Variants in AKAP8 observed in about 807,000 individuals in gnomAD.
AKAP8 encodes the protein A-kinase anchor protein 8.
A neutral mutation model predicts 67.5 loss-of-function variants in AKAP8; 24 were observed. The ratio of observed to expected loss-of-function variants is 0.36; its 90% CI spans 0.26 to 0.50. The LOEUF (loss-of-function observed/expected upper bound fraction) is 0.50. Ranked by LOEUF, AKAP8 falls within the 20% of genes least tolerant of loss-of-function variation. AKAP8 has a pLI of 0.97. For synonymous variants in AKAP8, 400 were observed against 371.1 expected (o/e 1.08, Z -0.90); for missense variants, 971 against 955.9 (o/e 1.02, Z -0.21).
At chr19:15,358,391 G>C (rs1249095107) in intron 13 of AKAP8, among the ~76,000 whole-genome samples, 1 of 149,804 alleles carries the variant, frequency 6.7e-6, no homozygotes, top group East Asian at 2.0e-4. Flanking sequence ...GTCTCACTCT[G>C]TCACCTGGGC....
chr19:15,359,978 A>G (rs998824224), intron 12 of AKAP8, among the ~76,000 whole-genome samples: 1 of 152,074 alleles, frequency 6.6e-6, no homozygotes, highest in African/African-American at 2.4e-5. Context: ...TATTAAAAAT[A>G]CAAAAAATTA....
At chr19:15,379,339 G>A (rs887511328) in intron 1 of AKAP8, 5 of 253,602 alleles carry the variant, frequency 2.0e-5, no homozygotes, top group Non-Finnish European at 3.7e-5. Context: ...CCATTTTGTG[G>A]CGTCTTCGGA....
intron 12 of AKAP8, 72 bp downstream of exon 12, chr19:15,360,776 C>A: frequency 6.5e-7 from 1 of 1,541,766 alleles, no homozygotes; most frequent in Non-Finnish European, 8.8e-7. Flanking sequence ...TGTTATTCCC[C>A]ATAAGACACA....
rs749061952 is a variant in AKAP8 at position 15,361,857 on chromosome 19, A to C, written c.1303-35T>G. The C allele has an allele frequency of 3.8e-6, 6 of 1,582,552 alleles. No individual in the cohort carries two copies. In the Admixed American group the frequency reaches 8.4e-5, roughly 22 times the overall value. ...ATTGGAGAGGGCATAAAGTAAAATG[A>C]GAGGTGGGCGCATGTGGGCATTTCT... On this transcript the variant is annotated intron_variant, in intron 10 of 13. Transcript: ENST00000269701.
chr19:15,373,019 AC>A lies in AKAP8; in HGVS notation c.692del (p.Gly231ValfsTer28). ...STPWNELNYV[G>X]GRGLGGPSPS... Reference sequence around the variant, plus strand: ...GGGAGGGCCCTCCCAGGCCCCGTCCACCCACGTAGTTCAGCTCGTTCCAGGG... The same window carrying A: ...GGGAGGGCCCTCCCAGGCCCCGTCCACCACGTAGTTCAGCTCGTTCCAGGG... On this transcript the variant is annotated frameshift_variant, in exon 5 of 14. Coordinates refer to ENST00000269701, the MANE Select transcript of AKAP8 (RefSeq NM_005858.4). LOFTEE classifies it high-confidence loss of function. The A allele has an allele frequency of 6.3e-7, 1 of 1,580,294 alleles. No homozygotes were observed. Among genetic ancestry groups the A allele is most frequent in the Non-Finnish European group, 8.6e-7 (1 of 1,160,220 alleles).
chr19:15,362,387 A>ACGGTCTCCCTCTCCCTCTCTTTCCG (rs1966983457), intron 9 of AKAP8, 136 bp from the exon 10 acceptor site: 24 of 470,764 alleles, frequency 5.1e-5, no homozygotes, highest in Admixed American at 3.1e-4. Context: ...CCCTCTCCCC[A>ACGGTCTCCCTCTCCCTCTCTTTCCG]CGGTCTCCCT....
rs368973978 is a variant in AKAP8, at chr19:15,368,283, C to G, written c.1112G>C (p.Arg371Thr). The part of the protein sequence containing the change: ...EDEDEDVKKR[R>T]EKQRRRDRTR... ...CCTGTCTCTTCTCCTTTGCTTTTCC[C>G]TTCTCTTCTTCACATCCTCGTCCTC... Residue 371 changes from arginine (R) to threonine (T), a missense_variant, in exon 9 of 14, where the codon AGG becomes ACG. By Grantham distance (71) the Arg-to-Thr change is moderately conservative. Transcript: ENST00000269701. 12 of 1,613,572 alleles carry G rather than the reference C, an allele frequency of 7.4e-6. No individual in the cohort carries two copies. Among genetic ancestry groups the G allele is most frequent in the Non-Finnish European group, 1.0e-5 (12 of 1,179,992 alleles).
intron 13 of AKAP8, among the ~76,000 whole-genome samples, chr19:15,356,721 T>C (rs1030758578): frequency 2.0e-5 from 3 of 152,244 alleles, no homozygotes; most frequent in Middle Eastern, 6.8e-3. Flanking sequence ...TTTTAAAATA[T>C]GATGCTTAGG....
chr19:15,364,403 T>G (rs1967036869), intron 9 of AKAP8, among the ~76,000 whole-genome samples: 1 of 152,036 alleles, frequency 6.6e-6, no homozygotes, highest in Non-Finnish European at 1.5e-5. Context: ...CAGGCTGGAG[T>G]GCAGTGGTGC....
chr19:15,371,906 G>C, intron 7 of AKAP8, 46 bp downstream of exon 7: 6 of 1,603,164 alleles, frequency 3.7e-6, no homozygotes, highest in African/African-American at 1.3e-5. Context: ...ATTAAAGAAA[G>C]AAGAAATCCC....
chr19:15,357,679 A>C (rs1371458063), intron 13 of AKAP8, among the ~76,000 whole-genome samples: 1 of 150,772 alleles, frequency 6.6e-6, no homozygotes, highest in Non-Finnish European at 1.5e-5. Context: ...CTGCAAAGGT[A>C]AAATATACAT....
chr19:15,373,913 G>A lies in AKAP8; in HGVS notation c.244C>T (p.Pro82Ser), dbSNP rs371717938. The change falls in exon 4 of 14, where the codon CCA becomes TCA. Residue 82 changes from proline (P) to serine (S), a missense_variant. Transcript: ENST00000269701. ...TCGGAATTGTCGGTGCATGGCTCTG[G>A]GCCGTAAGAGGCCATGTGCATGGCA... is the stretch of plus-strand genomic sequence containing the variant. ...APAMHMASYG[P>S]EPCTDNSDSL... 27 of 1,613,694 alleles carry A rather than the reference G, an allele frequency of 1.7e-5. No individual in the cohort carries two copies. The highest frequency in any genetic ancestry group is 1.7e-4 in the Middle Eastern group (1 of 5,848).
chr19:15,368,606 G>A, intron 8 of AKAP8: 1 of 985,212 alleles, frequency 1.0e-6, no homozygotes, highest in Non-Finnish European at 1.2e-6. Context: ...ACAGCCCCCT[G>A]CTCCCTCTGT....
At chr19:15,366,030 TAAA>T (rs1182056982) in intron 9 of AKAP8, among the ~76,000 whole-genome samples, 2 of 52,652 alleles carry the variant, frequency 3.8e-5, no homozygotes, top group Admixed American at 2.2e-4. Flanking sequence ...TCTCAAAGGA[TAAA>T]AAAAAAAAAA....
Position 15,354,913 on chromosome 19 carries a change from C to T in AKAP8, c.*2G>A, listed in dbSNP as rs377325571. 131 of 1,613,016 alleles carry T rather than the reference C, an allele frequency of 8.1e-5. 1 individual carries two copies. The South Asian group carries it at 1.3e-3, about 16-fold the overall frequency. ...GCCTTCCCTGGAACAGGGAAATGAG[C>T]ATCATTCTGTGGGAACAGCGTCTTT... On this transcript the variant is annotated 3_prime_UTR_variant, in exon 14 of 14. Coordinates refer to ENST00000269701, the MANE Select transcript of AKAP8 (RefSeq NM_005858.4).
At chr19:15,368,539 A>T (rs1043230066) in intron 8 of AKAP8, 1 of 985,062 alleles carries the variant, frequency 1.0e-6, no homozygotes, top group African/African-American at 1.7e-5. Flanking sequence ...AACTCCCCAC[A>T]TGGCCTGAGG....
chr19:15,357,101 G>A (rs1966894212), intron 13 of AKAP8, among the ~76,000 whole-genome samples: 1 of 152,182 alleles, frequency 6.6e-6, no homozygotes, highest in Admixed American at 6.5e-5. Context: ...GGGATTACAG[G>A]TGCCCGCCAC....
At position 15,369,115 on chromosome 19, in the gene AKAP8, C is replaced by T. The variant is rs1391845904; in HGVS notation, c.1073-793G>A. 8.1e-6 allele frequency: 8 copies of T among 985,326 alleles called. No homozygotes were observed. Among genetic ancestry groups the T allele is most frequent in the African/African-American group, 1.7e-5 (1 of 57,220 alleles). The allele number at this position is 985,326 out of a possible 1,614,324, so 61.0% of individuals were successfully genotyped here. A position where few individuals can be genotyped will look rare whatever the true frequency, so the allele number is the denominator to read the frequency against. On this transcript the variant is annotated intron_variant, in intron 8 of 13. Transcript: ENST00000269701. The surrounding 1 kb of genome is among the most constrained non-coding windows in gnomAD (Gnocchi z 4.6). ...TCCCACGAAGATGGCGACCGGCGTG[C>T]GCTGCTCAGAAGCCTCTCAAAAGGG...
chr19:15,376,584 C>G (rs533748805), intron 2 of AKAP8, among the ~76,000 whole-genome samples: 46 of 152,256 alleles, frequency 3.0e-4, no homozygotes, highest in Non-Finnish European at 5.9e-4. Context: ...GTATGAAACT[C>G]CACTACTCAA....
Sources: allele counts gnomAD v4.1 joint callset (sites outside exome capture counted in the v4.1 genomes callset), GRCh38; gene constraint gnomAD v4.1.1; non-coding constraint Gnocchi (gnomAD v3.1); transcripts MANE v1.5; gene names NCBI Gene and HGNC (gene_info 2026-07-23, HGNC 2026-07-21).